Variants in OPTC observed in about 807,000 individuals in gnomAD.
The protein encoded by OPTC is oculoglycan.
OPTC carries 22 observed loss-of-function variants against 25.4 expected under a neutral mutation model. That is an observed-to-expected ratio of 0.87 (90% CI 0.62 to 1.24). The LOEUF (loss-of-function observed/expected upper bound fraction) is 1.24, where lower values mean the gene tolerates loss of function less well. Among genes scored for constraint, OPTC ranks in the 50% most tolerant of loss-of-function variants. OPTC has a pLI of 0.00. For missense variants in OPTC, 417 were observed against 425.2 expected (o/e 0.98, Z 0.17); for synonymous variants, 169 against 179.3 (o/e 0.94, Z 0.46).
intron 7 of OPTC, among the ~76,000 whole-genome samples, chr1:203,506,808 G>C (rs550217145): frequency 6.6e-6 from 1 of 152,192 alleles, no homozygotes; most frequent in Non-Finnish European, 1.5e-5. Flanking sequence ...GATTCAATCC[G>C]GGGTCCATCC....
At chr1:203,504,812 T>C (rs1661451410) in intron 7 of OPTC, among the ~76,000 whole-genome samples, 3 of 152,216 alleles carry the variant, frequency 2.0e-5, no homozygotes, top group Non-Finnish European at 4.4e-5. Context: ...TCCTGGCTAC[T>C]GGGGTTTCCA....
chr1:203,495,076 T>C (rs1661256281), intron 1 of OPTC, among the ~76,000 whole-genome samples: 1 of 152,206 alleles, frequency 6.6e-6, no homozygotes, highest in Non-Finnish European at 1.5e-5. Flanking sequence ...TCATTGTAAG[T>C]CCATGTCTCC....
Position 203,498,723 on chromosome 1 carries a change from T to C in OPTC, c.413T>C (p.Val138Ala), listed in dbSNP as rs756607170. The change falls in exon 4 of 8, where the codon GTG becomes GCG. Residue 138 changes from valine to alanine, a missense_variant. By Grantham distance (64) the Val-to-Ala change is moderately conservative. Coordinates refer to ENST00000367222, the MANE Select transcript of OPTC (RefSeq NM_014359.4). The part of the protein sequence containing the change: ...CLVCVCLGSS[V>A]YCDDIDLEDI... Reference sequence around the variant, plus strand: ...GTCTGCGTGTGCCTCGGTTCCTCTGTGTATTGCGATGACATTGACCTAGAG... The same window carrying C: ...GTCTGCGTGTGCCTCGGTTCCTCTGCGTATTGCGATGACATTGACCTAGAG... The C allele has an allele frequency of 6.2e-7, 1 of 1,614,094 alleles. No homozygotes were observed. The highest frequency in any genetic ancestry group is 2.2e-5 in the East Asian group (1 of 44,894).
chr1:203,503,077 G>T, intron 6 of OPTC, 68 bp downstream of exon 6: 1 of 1,273,900 alleles, frequency 7.8e-7, no homozygotes, highest in Non-Finnish European at 1.1e-6. Flanking sequence ...ACCAGGAGCA[G>T]GTCGTGGCAG....
chr1:203,496,953 G>C, intron 2 of OPTC, 24 bp from the exon 3 acceptor site: 1 of 1,613,932 alleles, frequency 6.2e-7, no homozygotes. Flanking sequence ...CTGGGCTACT[G>C]TGTACTCTGT....
At chr1:203,504,675 G>A (rs1661448391) in intron 7 of OPTC, among the ~76,000 whole-genome samples, 1 of 152,124 alleles carries the variant, frequency 6.6e-6, no homozygotes, top group African/African-American at 2.4e-5. Context: ...AGATTTGGAG[G>A]GAGCCATTCA....
intron 7 of OPTC, among the ~76,000 whole-genome samples, chr1:203,505,948 CAGAG>C (rs375179962): frequency 7.1e-6 from 1 of 140,704 alleles, no homozygotes. Context: ...CTCTCTCTCT[CAGAG>C]TGTGTGTGTG....
In OPTC at chr1:203,497,019, G is replaced by A. The variant is rs1661291949; in HGVS notation, c.274G>A (p.Ala92Thr). 13 of 1,613,880 alleles carry A rather than the reference G, an allele frequency of 8.1e-6. No individual in the cohort carries two copies. Among genetic ancestry groups the A allele is most frequent in the East Asian group, 2.2e-5 (1 of 44,892 alleles). Reference sequence around the variant, plus strand: ...CGCTCCTGCAACCAGCATCAGTCCCGCCAAGAGCACTACGGCTCCAGGGAC... The same window carrying A: ...CGCTCCTGCAACCAGCATCAGTCCCACCAAGAGCACTACGGCTCCAGGGAC... ...SLAPATSISP[A>T]KSTTAPGTPS... is the part of the protein sequence containing the mutation. Residue 92 changes from alanine (A) to threonine (T), a missense_variant, in exon 3 of 8, where the codon GCC (alanine) becomes ACC (threonine). Ala to Thr is a moderately conservative substitution (Grantham distance 58). Coordinates refer to ENST00000367222, the MANE Select transcript of OPTC (RefSeq NM_014359.4).
intron 7 of OPTC, among the ~76,000 whole-genome samples, chr1:203,506,536 T>C (rs1661491897): frequency 6.6e-6 from 1 of 152,096 alleles, no homozygotes; most frequent in African/African-American, 2.4e-5. Context: ...AGCCACATCA[T>C]TCCCACATGC....
chr1:203,500,176 A>C (rs1426940902), intron 5 of OPTC, among the ~76,000 whole-genome samples: 1 of 34 alleles, frequency 0.029, no homozygotes, highest in African/African-American at 0.17. Context: ...CACCTCCACC[A>C]CCACCACCAC....
chr1:203,502,053 G>C (rs940515733), intron 5 of OPTC, among the ~76,000 whole-genome samples: 6 of 152,164 alleles, frequency 3.9e-5, no homozygotes, highest in Admixed American at 3.9e-4. Flanking sequence ...CAAAATGAGG[G>C]TAATAATACC....
chr1:203,499,946 C>A, intron 5 of OPTC, 95 bp downstream of exon 5: 1 of 1,026,656 alleles, frequency 9.7e-7, no homozygotes, highest in Non-Finnish European at 1.5e-6. Context: ...TCACCTCCAC[C>A]ACCACCCACC....
chr1:203,499,751 A>G lies in OPTC; in HGVS notation c.632A>G (p.Asn211Ser), dbSNP rs1661344578. The change falls in exon 5 of 8, where the codon AAC (asparagine) becomes AGC (serine). Residue 211 changes from asparagine (N) to serine (S), a missense_variant. Asn to Ser is a conservative substitution (Grantham distance 46, BLOSUM62 1). Transcript: ENST00000367222. ...CTCCAGGACCTCATCCTCCCAGAGA[A>G]CCAGTTGGAAGCTCTGCCCGTGCTG... Reference protein sequence around the residue: ...HALQDLILPENQLEALPVLPS... With the variant: ...HALQDLILPESQLEALPVLPS... 15 of 1,613,012 alleles carry G rather than the reference A, an allele frequency of 9.3e-6. No homozygotes were observed. Among genetic ancestry groups the G allele is most frequent in the Non-Finnish European group, 1.3e-5 (15 of 1,179,890 alleles).
chr1:203,501,813 G>A (rs780070257), intron 5 of OPTC, among the ~76,000 whole-genome samples: 18 of 152,210 alleles, frequency 1.2e-4, no homozygotes, highest in Admixed American at 4.6e-4. Flanking sequence ...AGCCGGCCAC[G>A]TGACCCCGGG....
intron 5 of OPTC, among the ~76,000 whole-genome samples, chr1:203,500,837 T>C (rs1661381529): frequency 6.6e-6 from 1 of 152,172 alleles, no homozygotes; most frequent in Admixed American, 6.5e-5. Context: ...GGTTCAGAAG[T>C]CCAGGTGGAC....
chr1:203,499,889 A>G, intron 5 of OPTC, 38 bp downstream of exon 5: 1 of 1,549,764 alleles, frequency 6.5e-7, no homozygotes, highest in Middle Eastern at 1.9e-4. Flanking sequence ...TATCACCTCC[A>G]CCACCCACCT....
chr1:203,502,659 G>A (rs1028257351), intron 5 of OPTC, among the ~76,000 whole-genome samples: 1 of 152,180 alleles, frequency 6.6e-6, no homozygotes, highest in South Asian at 2.1e-4. Flanking sequence ...CAGCTGATTA[G>A]CTCTTTCCTA....
chr1:203,508,557 C>T (rs1331745539), intron 7 of OPTC, 89 bp from the exon 8 acceptor site: 2 of 142,836 alleles, frequency 1.4e-5, no homozygotes, highest in Non-Finnish European at 3.0e-5. Flanking sequence ...TGTCTAGCTG[C>T]CTCTCAGCTT....
At chr1:203,503,929 A>G (rs1358941203) in intron 7 of OPTC, among the ~76,000 whole-genome samples, 184 bp downstream of exon 7, 1 of 152,122 alleles carries the variant, frequency 6.6e-6, no homozygotes, top group Non-Finnish European at 1.5e-5. Context: ...TCAGTAGCCA[A>G]ATTTGCATTT....
Sources: gnomAD v4.1 joint callset for allele counts (sites outside exome capture counted in the v4.1 genomes callset) on GRCh38, gnomAD v4.1.1 for gene constraint, MANE v1.5 for transcripts, NCBI Gene and HGNC (gene_info 2026-07-23, HGNC 2026-07-21) for gene names.